The following PSMA8 variants were observed in gnomAD, a reference collection of about 807,000 sequenced individuals.
PSMA8 encodes proteasome subunit alpha-type 8.
PSMA8 carries 18 observed loss-of-function variants against 32.4 expected under a neutral mutation model. The observed-to-expected ratio is 0.56, with a 90% CI of 0.38 to 0.82. The LOEUF is 0.82. Ranked by LOEUF, PSMA8 falls within the 40% of genes least tolerant of loss-of-function variation. The probability of loss-of-function intolerance (pLI) is 0.00; values close to 1 mark genes in which losing one functional copy is unlikely to be tolerated. For synonymous variants in PSMA8, 104 were observed against 98.1 expected (o/e 1.06, Z -0.36); for missense variants, 298 against 300.7 (o/e 0.99, Z 0.07).
chr18:26,148,050 GA>G (rs1040629752), intron 2 of PSMA8, among the ~76,000 whole-genome samples: 7 of 151,996 alleles, frequency 4.6e-5, no homozygotes, highest in African/African-American at 1.7e-4. Context: ...CCCAACAAAG[GA>G]AAGTCTAGGA....
chr18:26,188,481 T>TA (rs571787676), intron 6 of PSMA8, among the ~76,000 whole-genome samples: 38 of 150,804 alleles, frequency 2.5e-4, no homozygotes, highest in East Asian at 7.8e-4. Context: ...CACAGAAATA[T>TA]AAAAAAAAAT....
At position 26,171,357 on chromosome 18, in the gene PSMA8, T is replaced by C. The variant is rs1397524488; in HGVS notation, c.478-7473T>C. ...CGCGGTCAAGTTTGGCGCGAAATTG[T>C]CGGTATTTTGTTATGACATACCAAG... On this transcript the variant is annotated intron_variant, in intron 4 of 6. Transcript: ENST00000415576. 22 of 1,388,384 alleles carry C rather than the reference T, an allele frequency of 1.6e-5. 2 individuals are homozygous for C. The South Asian group carries it at 2.3e-4, about 15-fold the overall frequency. The allele number at this position is 1,388,384 out of a possible 1,614,324, so 86.0% of individuals were successfully genotyped here. A position where few individuals can be genotyped will look rare whatever the true frequency, so the allele number is the denominator to read the frequency against.
At position 26,166,108 on chromosome 18, in the gene PSMA8, A is replaced by G. The variant is rs536278610; in HGVS notation, c.477+7864A>G. Among the ~76,000 whole-genome samples, 9 of 152,216 alleles carry G rather than the reference A, an allele frequency of 5.9e-5. No homozygotes were observed. The East Asian group carries it at 1.7e-3, about 29-fold the overall frequency. ...CAGAGTGAGACTCTGTCTCAAAAAG[A>G]AAAAGAAAAAAAGAAAAGAAAAGAA... On this transcript the variant is annotated intron_variant, in intron 4 of 6. Transcript: ENST00000415576.
intron 4 of PSMA8, among the ~76,000 whole-genome samples, chr18:26,160,454 T>A (rs1055316992): frequency 5.9e-5 from 9 of 152,240 alleles, no homozygotes; most frequent in African/African-American, 2.2e-4. Flanking sequence ...AATTCTAAAA[T>A]CCATTCTTGG....
At chr18:26,178,341 G>A (rs1327774806) in intron 4 of PSMA8, among the ~76,000 whole-genome samples, 2 of 152,326 alleles carry the variant, frequency 1.3e-5, no homozygotes, top group African/African-American at 2.4e-5. Context: ...CAGATGTTGT[G>A]GCTCACGCCT....
intron 2 of PSMA8, among the ~76,000 whole-genome samples, chr18:26,149,114 A>G (rs1446942512): frequency 6.6e-6 from 1 of 152,198 alleles, no homozygotes; most frequent in Non-Finnish European, 1.5e-5. Context: ...AAGTGTTACA[A>G]TAAAGGTGTG....
Position 26,133,903 on chromosome 18 carries a change from C to T in PSMA8, c.-63C>T. On this transcript the variant is annotated 5_prime_UTR_variant, in exon 1 of 7. Transcript: ENST00000415576. The stretch of plus-strand genomic sequence containing the variant: ...CGGTAGCACGCTGTGTTGGCGGCGG[C>T]TCCCCGCTTGCCTCAGCTGCAGCAG... 2 of 1,428,310 alleles carry T rather than the reference C, an allele frequency of 1.4e-6. No individual in the cohort carries two copies. Among genetic ancestry groups the T allele is most frequent in the Non-Finnish European group, 2.0e-6 (2 of 1,016,000 alleles). The allele number at this position is 1,428,310 out of a possible 1,614,324, so 88.5% of individuals were successfully genotyped here.
At chr18:26,144,442 CTTGTTTTTA>C (rs1307606741) in intron 1 of PSMA8, 108 bp from the exon 2 acceptor site, 8 of 822,402 alleles carry the variant, frequency 9.7e-6, no homozygotes, top group Non-Finnish European at 1.5e-5. Flanking sequence ...AGTTACTTTT[CTTGTTTTTA>C]TTGAATACTT....
chr18:26,157,459 C>CG (rs2055099217), intron 3 of PSMA8, among the ~76,000 whole-genome samples: 1 of 151,866 alleles, frequency 6.6e-6, no homozygotes, highest in African/African-American at 2.4e-5. Flanking sequence ...TTTTGGGGCA[C>CG]GAGTCTCAGT....
Position 26,144,610 on chromosome 18 carries a change from G to C in PSMA8, c.154G>C (p.Val52Leu). The C allele has an allele frequency of 6.2e-7, 1 of 1,613,798 alleles. No homozygotes were observed. The highest frequency in any genetic ancestry group is 1.3e-5 in the African/African-American group (1 of 75,034). The change falls in exon 2 of 7, where the codon GTT becomes CTT. Residue 52 changes from valine (V) to leucine (L), a missense_variant. Val to Leu is a conservative substitution (Grantham distance 32). Coordinates refer to ENST00000415576, the MANE Select transcript of PSMA8 (RefSeq NM_001025096.2). ...TGTTCTTGGGGTAGAAAAAAAATCT[G>C]TTGCCAAGCTTCAAGATGAAAGAAC... ...IVVLGVEKKSVAKLQDERTVR... is the reference protein window; with the variant it reads ...IVVLGVEKKSLAKLQDERTVR...
chr18:26,177,453 C>A (rs183754524), intron 4 of PSMA8, among the ~76,000 whole-genome samples: 10 of 152,280 alleles, frequency 6.6e-5, no homozygotes, highest in African/African-American at 2.2e-4. Flanking sequence ...CCTATTTAAT[C>A]ATTTTTGTGA....
intron 2 of PSMA8, among the ~76,000 whole-genome samples, chr18:26,149,373 A>G (rs74840087): frequency 0.01 from 1,576 of 152,342 alleles, 27 homozygotes; most frequent in African/African-American, 0.036. Context: ...TAACATGTCA[A>G]TATTATCCAA....
chr18:26,178,100 C>T lies in PSMA8; in HGVS notation c.478-730C>T, dbSNP rs376921845. On this transcript the variant is annotated intron_variant, in intron 4 of 6. Coordinates refer to ENST00000415576, the MANE Select transcript of PSMA8 (RefSeq NM_001025096.2). ...AAGTGTGGTGCCACGTACCAATAGTCCCAGCTACTTGGGAGTCTGAGGTAG... is the reference window on the plus strand; with the variant it reads ...AAGTGTGGTGCCACGTACCAATAGTTCCAGCTACTTGGGAGTCTGAGGTAG... Among the ~76,000 whole-genome samples the T allele has an allele frequency of 6.6e-5, 10 of 152,114 alleles. No homozygotes were observed. The South Asian group carries it at 1.5e-3, about 22-fold the overall frequency.
At chr18:26,137,205 G>C (rs7245371) in intron 1 of PSMA8, among the ~76,000 whole-genome samples, 38,947 of 152,042 alleles carry the variant, frequency 0.26, 8,827 homozygotes, top group African/African-American at 0.61. Context: ...TGCCTGTAAT[G>C]CTAGCACTTT....
chr18:26,158,450 A>T (rs995914746), intron 4 of PSMA8, among the ~76,000 whole-genome samples: 6 of 152,228 alleles, frequency 3.9e-5, no homozygotes, highest in African/African-American at 1.4e-4. Context: ...TTTTGAAAAG[A>T]TGTGACCAAA....
intron 6 of PSMA8, among the ~76,000 whole-genome samples, chr18:26,187,240 G>A (rs957966135): frequency 6.6e-6 from 1 of 150,614 alleles, no homozygotes; most frequent in Non-Finnish European, 1.5e-5. Flanking sequence ...CAGCTACTCA[G>A]GGGGCTGAGG....
intron 6 of PSMA8, among the ~76,000 whole-genome samples, chr18:26,188,108 A>G (rs1294763769): frequency 6.6e-6 from 1 of 152,170 alleles, no homozygotes; most frequent in African/African-American, 2.4e-5. Flanking sequence ...GTGGAAAAAA[A>G]AAACTAGAAA....
At chr18:26,166,537 T>C (rs952529203) in intron 4 of PSMA8, among the ~76,000 whole-genome samples, 2 of 152,230 alleles carry the variant, frequency 1.3e-5, no homozygotes, top group African/African-American at 4.8e-5. Context: ...TTGACTCAGG[T>C]ATACATCTTT....
intron 1 of PSMA8, among the ~76,000 whole-genome samples, chr18:26,141,822 A>T (rs1327837822): frequency 6.8e-6 from 1 of 147,828 alleles, no homozygotes; most frequent in Non-Finnish European, 1.5e-5. Context: ...GAGTAGCTGG[A>T]ACTACAGGTG....
Sources: allele counts gnomAD v4.1 joint callset (sites outside exome capture counted in the v4.1 genomes callset), GRCh38; gene constraint gnomAD v4.1.1; transcripts MANE v1.5; gene names NCBI Gene and HGNC (gene_info 2026-07-23, HGNC 2026-07-21).